The following PCDHGA6 variants were observed in gnomAD, a reference collection of about 807,000 sequenced individuals.
PCDHGA6 encodes protocadherin gamma subfamily A, 6.
Under a neutral mutation model 60.6 loss-of-function variants are expected in PCDHGA6, and 41 were observed. The ratio of observed to expected loss-of-function variants is 0.68; its 90% CI spans 0.53 to 0.88. The LOEUF is 0.88. Among genes scored for constraint, PCDHGA6 ranks in the 40% least tolerant of loss-of-function variants. The pLI is 0.00. For synonymous variants in PCDHGA6, 594 were observed against 524.4 expected (o/e 1.13, Z -1.81); for missense variants, 1,312 against 1,203.0 (o/e 1.09, Z -1.34).
intron 1 of PCDHGA6, among the ~76,000 whole-genome samples, chr5:141,455,286 T>G (rs889792228): frequency 6.6e-6 from 1 of 152,176 alleles, no homozygotes; most frequent in African/African-American, 2.4e-5. Flanking sequence ...AACATCACTT[T>G]ACATAGTTTC....
intron 1 of PCDHGA6, chr5:141,400,181 A>T: frequency 6.2e-7 from 1 of 1,614,034 alleles, no homozygotes; most frequent in Non-Finnish European, 8.5e-7. Flanking sequence ...GCTGAGCTGC[A>T]GTTTTACCTA....
At chr5:141,466,143 C>T (rs2099117622) in intron 1 of PCDHGA6, among the ~76,000 whole-genome samples, 1 of 151,816 alleles carries the variant, frequency 6.6e-6, no homozygotes, top group Admixed American at 6.6e-5. Flanking sequence ...CAAGTGAAAA[C>T]TCTGGTCTTA....
intron 1 of PCDHGA6, chr5:141,393,407 CG>C: frequency 5.0e-6 from 8 of 1,614,056 alleles, no homozygotes; most frequent in Non-Finnish European, 6.8e-6. Context: ...TGCTGGAGCG[CG>C]CCCTGGACAG....
At chr5:141,483,207 A>G (rs1225621725) in intron 1 of PCDHGA6, among the ~76,000 whole-genome samples, 1 of 152,224 alleles carries the variant, frequency 6.6e-6, no homozygotes, top group African/African-American at 2.4e-5. Context: ...TATTCCATAT[A>G]GATGACAGTC....
rs936419038 is a variant in PCDHGA6 at position 141,493,313 on chromosome 5, G to T, written c.2425-1494G>T. On this transcript the variant is annotated intron_variant, in intron 1 of 3. Transcript: ENST00000517434. This position sits in a 1 kb window ranked among gnomAD's most constrained non-coding sequence, Gnocchi z 4.3. ...TCAAGTTCACAGAGCAAGTAAGAGA[G>T]ATTCTAACCCCTGTCTAACTCCAGA... Among the ~76,000 whole-genome samples, 4 of 152,214 alleles carry T rather than the reference G, an allele frequency of 2.6e-5. No individual in the cohort carries two copies. Among genetic ancestry groups the T allele is most frequent in the Non-Finnish European group, 4.4e-5 (3 of 68,040 alleles).
chr5:141,413,904 G>T (rs1230344912), intron 1 of PCDHGA6: 3 of 1,613,160 alleles, frequency 1.9e-6, no homozygotes, highest in East Asian at 2.2e-5. Context: ...ATGACAACGC[G>T]CCGGTCTTCA....
chr5:141,383,610 C>T, intron 1 of PCDHGA6: 1 of 1,613,818 alleles, frequency 6.2e-7, no homozygotes, highest in South Asian at 1.1e-5. Flanking sequence ...ATGTGAATGA[C>T]CACACGCCTG....
At position 141,476,128 on chromosome 5, in the gene PCDHGA6, G is replaced by A. The variant is rs1450094771; in HGVS notation, c.2425-18679G>A. 1 of 1,606,456 alleles carries A rather than the reference G, an allele frequency of 6.2e-7. No homozygotes were observed. Among genetic ancestry groups the A allele is most frequent in the African/African-American group, 1.3e-5 (1 of 74,874 alleles). On this transcript the variant is annotated intron_variant, in intron 1 of 3. Transcript: ENST00000517434. The surrounding 1 kb of genome is among the most constrained non-coding windows in gnomAD (Gnocchi z 7.6). ...TGCTTTTGAGTGAGATGGTCCCAGA[G>A]GCCTGGAGGAGCGGACTGGTAAGCA...
chr5:141,431,776 C>T lies in PCDHGA6; in HGVS notation c.2424+55269C>T. 6.2e-7 allele frequency: 1 copy of T among 1,614,228 alleles called. No individual in the cohort carries two copies. The stretch of plus-strand genomic sequence containing the variant: ...CCAAAGTCCTGATCACTGTTCTGGA[C>T]GTGAACGACAATGCCCCAGAAGTGG... On this transcript the variant is annotated intron_variant, in intron 1 of 3. Coordinates refer to ENST00000517434, the MANE Select transcript of PCDHGA6 (RefSeq NM_018919.3). The surrounding 1 kb of genome is among the most constrained non-coding windows in gnomAD (Gnocchi z 4.8).
chr5:141,385,196 G>T, intron 1 of PCDHGA6: 1 of 1,614,230 alleles, frequency 6.2e-7, no homozygotes, highest in South Asian at 1.1e-5. Flanking sequence ...TCTCGGAAGA[G>T]TCACCTGATC....
chr5:141,443,223 A>G (rs2098374731), intron 1 of PCDHGA6, among the ~76,000 whole-genome samples: 1 of 152,044 alleles, frequency 6.6e-6, no homozygotes, highest in African/African-American at 2.4e-5. Flanking sequence ...AGGCGCATCT[A>G]TAATCTTAGC....
rs376067853 is a variant in PCDHGA6, at chr5:141,408,397, G to C, written c.2424+31890G>C. 261 of 1,614,068 alleles carry C rather than the reference G, an allele frequency of 1.6e-4. 1 individual carries two copies. In the East Asian group the frequency reaches 5.2e-3, roughly 32 times the overall value. On this transcript the variant is annotated intron_variant, in intron 1 of 3. Coordinates refer to ENST00000517434, the MANE Select transcript of PCDHGA6 (RefSeq NM_018919.3). The stretch of plus-strand genomic sequence containing the variant: ...GTGTCCTGGATGTGTCGGCTCGCAA[G>C]CTGCGAGTGAGCGCGGAGAAGCTGC...
chr5:141,419,332 C>A, intron 1 of PCDHGA6: 1 of 1,613,950 alleles, frequency 6.2e-7, no homozygotes, highest in South Asian at 1.1e-5. Context: ...CCTACTCTCT[C>A]ATTGCCAGCG....
At chr5:141,383,382 T>C in intron 1 of PCDHGA6, 1 of 1,614,050 alleles carries the variant, frequency 6.2e-7, no homozygotes, top group East Asian at 2.2e-5. Context: ...GGGATCCAGA[T>C]GTGGGCACGA....
intron 1 of PCDHGA6, chr5:141,407,908 G>C (rs1431775491): frequency 2.4e-6 from 1 of 420,166 alleles, no homozygotes; most frequent in Non-Finnish European, 4.2e-6. Flanking sequence ...ATGAAAAACC[G>C]GGCTGCTGTC....
chr5:141,429,910 T>C (rs2097252047), intron 1 of PCDHGA6, among the ~76,000 whole-genome samples: 1 of 152,230 alleles, frequency 6.6e-6, no homozygotes, highest in East Asian at 1.9e-4. Context: ...TTTTGAAATA[T>C]AATGTATTAA....
At chr5:141,505,028 G>A (rs2099842951) in intron 2 of PCDHGA6, among the ~76,000 whole-genome samples, 1 of 152,164 alleles carries the variant, frequency 6.6e-6, no homozygotes, top group Admixed American at 6.5e-5. Flanking sequence ...CTGGCACAGT[G>A]GCAGGTGCCT....
intron 1 of PCDHGA6, chr5:141,471,553 TG>T (rs1217142933): frequency 6.6e-6 from 1 of 152,224 alleles, no homozygotes; most frequent in African/African-American, 2.4e-5. Flanking sequence ...AAGGTTGCTT[TG>T]ACTCAGGGGT....
rs770623588 is a variant in PCDHGA6, at chr5:141,410,424, C to A, written c.2424+33917C>A. ...GTCAAGTCTGGACCTGTAGTTCCCC[C>A]CAACTACAGTGAGGGGACTTTGCCT... is the stretch of plus-strand genomic sequence containing the variant. On this transcript the variant is annotated intron_variant, in intron 1 of 3. Transcript: ENST00000517434. The A allele has an allele frequency of 1.1e-5, 17 of 1,613,852 alleles. No homozygotes were observed. In the East Asian group the frequency reaches 3.6e-4, roughly 34 times the overall value.
Sources: allele counts gnomAD v4.1 joint callset (sites outside exome capture counted in the v4.1 genomes callset), GRCh38; gene constraint gnomAD v4.1.1; non-coding constraint Gnocchi (gnomAD v3.1); transcripts MANE v1.5; gene names NCBI Gene and HGNC (gene_info 2026-07-23, HGNC 2026-07-21).